The following HECW1 variants were observed in gnomAD, a reference collection of about 807,000 sequenced individuals.
The protein encoded by HECW1 is HECT, C2 and WW domain containing E3 ubiquitin protein ligase 1, also known as E3 ubiquitin-protein ligase HECW1.
A neutral mutation model predicts 182.3 loss-of-function variants in HECW1; 61 were observed. That is an observed-to-expected ratio of 0.33 (90% CI 0.27 to 0.41). HECW1 has a LOEUF of 0.41. Among genes scored for constraint, HECW1 ranks in the 10% least tolerant of loss-of-function variants. HECW1 has a pLI of 1.00. For synonymous variants in HECW1, 859 were observed against 832.6 expected (o/e 1.03, Z -0.55); for missense variants, 1,739 against 2,108.9 (o/e 0.82, Z 3.44).
At chr7:43,140,722 G>A (rs1457016650) in intron 2 of HECW1, among the ~76,000 whole-genome samples, 1 of 152,182 alleles carries the variant, frequency 6.6e-6, no homozygotes, top group Non-Finnish European at 1.5e-5. Flanking sequence ...CTCGGCTGCT[G>A]TAAGTGATGA....
Position 43,554,767 on chromosome 7 carries a change from G to C in HECW1, c.4686G>C (p.Trp1562Cys). 1 of 1,613,852 alleles carries C rather than the reference G, an allele frequency of 6.2e-7. No individual in the cohort carries two copies. The highest frequency in any genetic ancestry group is 1.1e-5 in the South Asian group (1 of 90,972). ...NGLRRFCIEK[W>C]GKITSLPRAH... Reference sequence around the variant, plus strand: ...TTCGGCGCTTCTGCATAGAGAAATGGGGGAAAATTACTTCTCTCCCCAGGT... The same window carrying C: ...TTCGGCGCTTCTGCATAGAGAAATGCGGGAAAATTACTTCTCTCCCCAGGT... Residue 1562 changes from tryptophan (W) to cysteine (C), a missense_variant, in exon 29 of 30, where the codon TGG (tryptophan) becomes TGC (cysteine). Coordinates refer to ENST00000395891, the MANE Select transcript of HECW1 (RefSeq NM_015052.5).
In HECW1 at chr7:43,445,084, C is replaced by A. The variant is rs777514435; in HGVS notation, c.1912C>A (p.Pro638Thr). 6.2e-7 allele frequency: 1 copy of A among 1,602,718 alleles called. No individual in the cohort carries two copies. Among genetic ancestry groups the A allele is most frequent in the Admixed American group, 1.7e-5 (1 of 59,696 alleles). ...AHPGHSGGHF[P>T]SLANGAAQDG... is the part of the protein sequence containing the mutation. ...CCCTGGCCACTCCGGGGGCCACTTC[C>A]CCAGCCTGGCCAATGGCGCGGCCCA... is the stretch of plus-strand genomic sequence containing the variant. Residue 638 changes from proline (P) to threonine (T), a missense_variant, in exon 11 of 30, where the codon CCC becomes ACC. Physicochemically the swap from Pro to Thr is conservative, Grantham distance 38. This residue lies in a region of HECW1 where 971 missense variants were observed against 1,029.1 expected (regional missense o/e 0.94). Transcript: ENST00000395891.
intron 2 of HECW1, among the ~76,000 whole-genome samples, chr7:43,118,781 A>G (rs181318713): frequency 2.6e-5 from 4 of 152,216 alleles, no homozygotes; most frequent in African/African-American, 7.2e-5. Flanking sequence ...TACCCCCAGC[A>G]TTGTCCTTGG....
chr7:43,512,914 G>T (rs1018170450), intron 24 of HECW1, among the ~76,000 whole-genome samples: 3 of 152,082 alleles, frequency 2.0e-5, no homozygotes, highest in Non-Finnish European at 4.4e-5. Context: ...ATCTTTTTTT[G>T]TTGTTGTTAT....
At chr7:43,150,024 A>G (rs1789129042) in intron 2 of HECW1, among the ~76,000 whole-genome samples, 2 of 152,204 alleles carry the variant, frequency 1.3e-5, no homozygotes, top group Admixed American at 6.5e-5. Context: ...ATCTCATGAT[A>G]TCTTCTTGCA....
intron 6 of HECW1, among the ~76,000 whole-genome samples, chr7:43,388,174 G>A (rs1159895508): frequency 6.6e-6 from 1 of 152,132 alleles, no homozygotes; most frequent in African/African-American, 2.4e-5. Context: ...ACCTGCCTGT[G>A]ACCACCTCCG....
At chr7:43,366,270 G>A (rs906611232) in intron 6 of HECW1, among the ~76,000 whole-genome samples, 8 of 152,008 alleles carry the variant, frequency 5.3e-5, no homozygotes, top group African/African-American at 1.2e-4. Context: ...GGCTAAATTA[G>A]CACTCTAAAA....
intron 2 of HECW1, among the ~76,000 whole-genome samples, chr7:43,213,056 T>A (rs1796137642): frequency 6.6e-6 from 1 of 152,068 alleles, no homozygotes; most frequent in South Asian, 2.1e-4. Flanking sequence ...ATATGTCAAT[T>A]TTCTTGCCTT....
At chr7:43,348,866 T>C (rs1202225552) in intron 5 of HECW1, among the ~76,000 whole-genome samples, 1 of 152,222 alleles carries the variant, frequency 6.6e-6, no homozygotes, top group Admixed American at 6.5e-5. Context: ...CACTGTGGTC[T>C]GAGAGAGTGC....
At chr7:43,454,610 T>C (rs1459262517) in intron 12 of HECW1, among the ~76,000 whole-genome samples, 1 of 152,220 alleles carries the variant, frequency 6.6e-6, no homozygotes. Context: ...TAAGTTAAGT[T>C]TGGTGTTTGG....
At chr7:43,118,233 A>G (rs1317643041) in intron 2 of HECW1, 1 of 152,060 alleles carries the variant, frequency 6.6e-6, no homozygotes, top group Admixed American at 6.6e-5. Context: ...GTGTGAAAGA[A>G]AAAAAAAAGA....
chr7:43,384,515 T>C (rs762569334), intron 6 of HECW1, among the ~76,000 whole-genome samples: 1 of 152,120 alleles, frequency 6.6e-6, no homozygotes, highest in East Asian at 1.9e-4. Context: ...GGAAAAAAGA[T>C]GTTACATTAG....
chr7:43,409,935 A>G (rs2075742503), intron 8 of HECW1, among the ~76,000 whole-genome samples: 1 of 152,212 alleles, frequency 6.6e-6, no homozygotes, highest in Non-Finnish European at 1.5e-5. Context: ...ATTTGGCTCC[A>G]TGCAAGGGAA....
intron 3 of HECW1, among the ~76,000 whole-genome samples, chr7:43,257,398 T>C (rs1330761579): frequency 6.6e-6 from 1 of 152,146 alleles, no homozygotes; most frequent in African/African-American, 2.4e-5. Flanking sequence ...GGGTACACTC[T>C]GGGAATCACT....
chr7:43,565,832 TACA>T lies in HECW1; in HGVS notation c.*3911_*3913del, dbSNP rs753480922. 3.7e-5 allele frequency: 7 copies of T among 187,602 alleles called. No homozygotes were observed. The highest frequency in any genetic ancestry group is 6.2e-5 in the Admixed American group (1 of 16,182). 11.6% of individuals were successfully genotyped at this position (187,602 alleles called of 1,614,324 possible). ...CTTCCAATTTATCCAAGGAAATGTC[TACA>T]ACAATTTTGTTCAAAAGTCTGTTCT... On this transcript the variant is annotated 3_prime_UTR_variant, in exon 30 of 30. Transcript: ENST00000395891.
intron 3 of HECW1, among the ~76,000 whole-genome samples, chr7:43,273,855 TTC>T (rs200301111): frequency 2.2e-4 from 32 of 145,086 alleles, no homozygotes; most frequent in African/African-American, 8.8e-4. Flanking sequence ...TAAAATATGA[TTC>T]TTTTTTTTTT....
At chr7:43,223,534 G>T (rs1319005071) in intron 2 of HECW1, among the ~76,000 whole-genome samples, 2 of 151,918 alleles carry the variant, frequency 1.3e-5, no homozygotes, top group African/African-American at 4.8e-5. Context: ...CAGGAGAATC[G>T]CTTGAACCTG....
At chr7:43,233,936 G>T (rs1427332634) in intron 2 of HECW1, among the ~76,000 whole-genome samples, 1 of 152,224 alleles carries the variant, frequency 6.6e-6, no homozygotes, top group African/African-American at 2.4e-5. Context: ...GAAATAGATT[G>T]CAGCTTCTGG....
chr7:43,471,985 A>G (rs548429085), intron 16 of HECW1, among the ~76,000 whole-genome samples: 1 of 152,348 alleles, frequency 6.6e-6, no homozygotes, highest in African/African-American at 2.4e-5. Flanking sequence ...ACAGGAGCAC[A>G]TGACTTCTGT....
Sources: gnomAD v4.1 joint callset for allele counts (sites outside exome capture counted in the v4.1 genomes callset) on GRCh38, gnomAD v4.1.1 for gene constraint, gnomAD v4.1.1 regional missense constraint, MANE v1.5 for transcripts, NCBI Gene and HGNC (gene_info 2026-07-23, HGNC 2026-07-21) for gene names.